Variants in SYNRG observed in about 807,000 individuals in gnomAD.
SYNRG encodes the protein AP1 gamma subunit binding protein 1.
Under a neutral mutation model 130.9 loss-of-function variants are expected in SYNRG, and 37 were observed. The observed-to-expected ratio is 0.28, with a 90% CI of 0.22 to 0.37. The LOEUF (loss-of-function observed/expected upper bound fraction) is 0.37. Ranked by LOEUF, SYNRG falls within the 10% of genes least tolerant of loss-of-function variation. The pLI is 1.00. For missense variants in SYNRG, 1,338 were observed against 1,588.9 expected (o/e 0.84, Z 2.68); for synonymous variants, 539 against 568.1 (o/e 0.95, Z 0.73).
chr17:37,547,900 G>T (rs1424526480), intron 14 of SYNRG, among the ~76,000 whole-genome samples: 1 of 152,174 alleles, frequency 6.6e-6, no homozygotes, highest in Non-Finnish European at 1.5e-5. Context: ...CTTGGCATCA[G>T]GGTAAACAAA....
chr17:37,521,197 AT>A (rs2143670040), intron 19 of SYNRG, among the ~76,000 whole-genome samples: 1 of 151,626 alleles, frequency 6.6e-6, no homozygotes, highest in South Asian at 2.1e-4. Context: ...CGTCTGGTTA[AT>A]TTTGTATTTT....
At chr17:37,523,728 C>T (rs2055444812) in intron 19 of SYNRG, among the ~76,000 whole-genome samples, 1 of 152,260 alleles carries the variant, frequency 6.6e-6, no homozygotes, top group African/African-American at 2.4e-5. Flanking sequence ...TGATTGTCTC[C>T]ACCAGCACAC....
At chr17:37,520,998 G>C (rs2054957000) in intron 19 of SYNRG, among the ~76,000 whole-genome samples, 1 of 151,658 alleles carries the variant, frequency 6.6e-6, no homozygotes, top group Non-Finnish European at 1.5e-5. Flanking sequence ...GATGGGGCCT[G>C]AAGCCAGAGA....
At chr17:37,592,379 G>C (rs919006900) in intron 3 of SYNRG, among the ~76,000 whole-genome samples, 2 of 152,146 alleles carry the variant, frequency 1.3e-5, no homozygotes, top group African/African-American at 4.8e-5. Context: ...CTGGAAAAAA[G>C]TTTGGCAGCA....
intron 6 of SYNRG, among the ~76,000 whole-genome samples, chr17:37,581,765 CTT>C (rs398041650): frequency 1.5e-4 from 16 of 105,266 alleles, no homozygotes; most frequent in Middle Eastern, 5.3e-3. Context: ...CATTTTTTTT[CTT>C]TTTTTTTTTT....
chr17:37,577,278 G>T, intron 7 of SYNRG, 102 bp downstream of exon 7: 1 of 1,120,384 alleles, frequency 8.9e-7, no homozygotes, highest in Non-Finnish European at 1.3e-6. Context: ...ATTTCGATTA[G>T]CAAAATCAAG....
At chr17:37,604,563 T>C (rs1446620545) in intron 1 of SYNRG, among the ~76,000 whole-genome samples, 2 of 152,214 alleles carry the variant, frequency 1.3e-5, no homozygotes, top group African/African-American at 4.8e-5. Flanking sequence ...CTCACCCTTT[T>C]TCAATATCAG....
chr17:37,553,928 T>G lies in SYNRG; in HGVS notation c.1795A>C (p.Thr599Pro), dbSNP rs146892443. 72 of 1,611,368 alleles carry G rather than the reference T, an allele frequency of 4.5e-5. No homozygotes were observed. Among genetic ancestry groups the G allele is most frequent in the Non-Finnish European group, 5.8e-5 (69 of 1,179,542 alleles). ...KTFPPSFPSG[T>P]IQQKQQTQVK... Reference sequence around the variant, plus strand: ...TGTGTTTGTTGTTTCTGTTGTATAGTTCCTGAGGGGAAGGATGGTGGAAAA... The same window carrying G: ...TGTGTTTGTTGTTTCTGTTGTATAGGTCCTGAGGGGAAGGATGGTGGAAAA... Residue 599 changes from threonine to proline, a missense_variant, in exon 14 of 22, where the codon ACT becomes CCT. Thr to Pro is a conservative substitution (Grantham distance 38). Coordinates refer to ENST00000612223, the MANE Select transcript of SYNRG (RefSeq NM_007247.6).
chr17:37,582,360 C>T (rs1451591409), intron 6 of SYNRG, among the ~76,000 whole-genome samples: 1 of 152,168 alleles, frequency 6.6e-6, no homozygotes, highest in Admixed American at 6.5e-5. Context: ...AGTCTCCCAA[C>T]AATTACCAAG....
chr17:37,529,025 G>A (rs894921605), intron 19 of SYNRG, among the ~76,000 whole-genome samples: 1 of 152,238 alleles, frequency 6.6e-6, no homozygotes, highest in African/African-American at 2.4e-5. Context: ...GTGTTGTCAA[G>A]TTGGAAGATT....
intron 1 of SYNRG, among the ~76,000 whole-genome samples, chr17:37,603,929 A>G (rs1447658179): frequency 6.6e-6 from 1 of 152,190 alleles, no homozygotes; most frequent in Non-Finnish European, 1.5e-5. Context: ...GGAAAGTCTT[A>G]GATGGCATCT....
At chr17:37,538,681 G>A (rs1472802460) in intron 17 of SYNRG, among the ~76,000 whole-genome samples, 2 of 152,136 alleles carry the variant, frequency 1.3e-5, no homozygotes, top group East Asian at 1.9e-4. Flanking sequence ...CTGAACCCCT[G>A]ACTCCCGGGT....
At chr17:37,582,332 C>T (rs1467927095) in intron 6 of SYNRG, among the ~76,000 whole-genome samples, 3 of 152,084 alleles carry the variant, frequency 2.0e-5, no homozygotes, top group Admixed American at 2.0e-4. Context: ...AGAAAAAGCC[C>T]TCCCACATTG....
At position 37,568,800 on chromosome 17, in the gene SYNRG, T is replaced by C. The variant is rs2060192770; in HGVS notation, c.1472A>G (p.His491Arg). The C allele has an allele frequency of 1.2e-6, 2 of 1,613,896 alleles. No individual in the cohort carries two copies. The highest frequency in any genetic ancestry group is 3.3e-5 in the Admixed American group (2 of 59,976). The change falls in exon 11 of 22, where the codon CAT becomes CGT. Residue 491 changes from histidine to arginine, a missense_variant. Around this residue, in one of 3 missense-constraint regions of SYNRG, gnomAD observed 1,146 missense variants for 1,342.3 expected, o/e 0.85. Coordinates refer to ENST00000612223, the MANE Select transcript of SYNRG (RefSeq NM_007247.6). Reference protein sequence around the residue: ...PASSKTSNSQHGNSAPSLLMP... With the variant: ...PASSKTSNSQRGNSAPSLLMP... Reference sequence around the variant, plus strand: ...TTAAACTCTTTTCTACCTGTTTCCATGCTGGGAGTTACTTGTTTTTGAAGA... The same window carrying C: ...TTAAACTCTTTTCTACCTGTTTCCACGCTGGGAGTTACTTGTTTTTGAAGA...
chr17:37,563,364 T>C (rs1191564168), intron 11 of SYNRG, among the ~76,000 whole-genome samples: 1 of 152,236 alleles, frequency 6.6e-6, no homozygotes, highest in Non-Finnish European at 1.5e-5. Context: ...ACATTTTCTC[T>C]AGTGAATCTA....
intron 19 of SYNRG, among the ~76,000 whole-genome samples, chr17:37,533,271 C>T (rs1246442072): frequency 1.3e-5 from 2 of 152,032 alleles, no homozygotes; most frequent in Non-Finnish European, 2.9e-5. Flanking sequence ...CGTGGTGGCG[C>T]ATGCCTGTAA....
chr17:37,607,766 G>A (rs2063887859), intron 1 of SYNRG, among the ~76,000 whole-genome samples: 1 of 152,048 alleles, frequency 6.6e-6, no homozygotes, highest in Non-Finnish European at 1.5e-5. Flanking sequence ...TCTAGCCTGG[G>A]TGACAGAACG....
rs546278218 is a variant in SYNRG, at chr17:37,515,343, A to G, written c.*3597T>C. On this transcript the variant is annotated 3_prime_UTR_variant, in exon 22 of 22. Transcript: ENST00000612223. ...CACACATCTTGCCCTGCATTCTGAC[A>G]TTTGCTGGAATGGTCTACAGCAGGC... 10 of 152,326 alleles carry G rather than the reference A, an allele frequency of 6.6e-5. No individual in the cohort carries two copies. The highest frequency in any genetic ancestry group is 6.8e-3 in the Middle Eastern group (2 of 294). The allele number at this position is 152,326 out of a possible 1,614,324, so 9.4% of individuals were successfully genotyped here. A position where few individuals can be genotyped will look rare whatever the true frequency, so the allele number is the denominator to read the frequency against.
chr17:37,589,606 G>A (rs1213596834), intron 3 of SYNRG, among the ~76,000 whole-genome samples: 3 of 151,918 alleles, frequency 2.0e-5, no homozygotes, highest in East Asian at 1.9e-4. Context: ...AAAATTAGCC[G>A]GGCGTGGTGG....
Sources: gnomAD v4.1 joint callset for allele counts (sites outside exome capture counted in the v4.1 genomes callset) on GRCh38, gnomAD v4.1.1 for gene constraint, gnomAD v4.1.1 regional missense constraint, MANE v1.5 for transcripts, NCBI Gene and HGNC (gene_info 2026-07-23, HGNC 2026-07-21) for gene names.